The following HDAC9 variants were observed in gnomAD, a reference collection of about 807,000 sequenced individuals.
HDAC9 encodes histone deacetylase 9.
A neutral mutation model predicts 139.4 loss-of-function variants in HDAC9; 41 were observed. The observed-to-expected ratio is 0.29, with a 90% CI of 0.23 to 0.38. The LOEUF is 0.38. Ranked by LOEUF, HDAC9 falls within the 10% of genes least tolerant of loss-of-function variation. The pLI, the probability that HDAC9 is intolerant of heterozygous loss-of-function variation, is 1.00. For missense variants in HDAC9, 1,147 were observed against 1,297.0 expected, an observed-to-expected ratio of 0.88 and a Z score of 1.78; for synonymous variants, 517 against 476.2, an observed-to-expected ratio of 1.09 and a Z score of -1.12.
At chr7:18,951,962 C>G (rs966369764) in intron 23 of HDAC9, among the ~76,000 whole-genome samples, 1 of 151,606 alleles carries the variant, frequency 6.6e-6, no homozygotes, top group African/African-American at 2.4e-5. Context: ...TTCTTGCCAA[C>G]GGAGAGAATA....
At chr7:18,607,615 G>A (rs1835888336) in intron 6 of HDAC9, among the ~76,000 whole-genome samples, 1 of 152,160 alleles carries the variant, frequency 6.6e-6, no homozygotes, top group Admixed American at 6.5e-5. Flanking sequence ...TGTAATTATT[G>A]AAGAACTAGA....
chr7:18,530,013 G>A (rs894183084), intron 2 of HDAC9, among the ~76,000 whole-genome samples: 13 of 152,000 alleles, frequency 8.6e-5, no homozygotes, highest in African/African-American at 1.7e-4. Flanking sequence ...GTTCACTTCC[G>A]TAATCCCAGC....
intron 2 of HDAC9, among the ~76,000 whole-genome samples, chr7:18,278,242 A>T (rs1796874409): frequency 1.3e-5 from 2 of 152,208 alleles, no homozygotes; most frequent in South Asian, 4.1e-4. Context: ...ATGGGTACTC[A>T]GTGACTTTAG....
chr7:18,765,188 A>T lies in HDAC9; in HGVS notation c.2165-1918A>T, dbSNP rs76523436. Among the ~76,000 whole-genome samples the T allele has an allele frequency of 2.7e-3, 413 of 152,314 alleles. 2 individuals are homozygous for T. Among genetic ancestry groups the T allele is most frequent in the African/African-American group, 9.6e-3 (398 of 41,574 alleles). ...TGCCCATTTCTAAATTTAAAGTATC[A>T]ATTATATGCCTGTTTTGTATTATGT... On this transcript the variant is annotated intron_variant, in intron 15 of 25. Coordinates refer to ENST00000686413, the MANE Select transcript of HDAC9 (RefSeq NM_178425.4).
intron 1 of HDAC9, among the ~76,000 whole-genome samples, chr7:18,459,069 C>T (rs565443844): frequency 1.3e-5 from 2 of 152,086 alleles, no homozygotes; most frequent in South Asian, 2.1e-4. Flanking sequence ...GGTTGCTGTT[C>T]GGAGTTGGCA....
chr7:18,525,398 AT>A (rs1420198992), intron 2 of HDAC9, among the ~76,000 whole-genome samples: 1 of 152,098 alleles, frequency 6.6e-6, no homozygotes, highest in East Asian at 1.9e-4. Context: ...TTTCTTAATC[AT>A]TTTGGTGATC....
At chr7:18,173,484 A>G (rs1788620168) in intron 2 of HDAC9, among the ~76,000 whole-genome samples, 1 of 152,142 alleles carries the variant, frequency 6.6e-6, no homozygotes, top group African/African-American at 2.4e-5. Flanking sequence ...TGTGTATTTG[A>G]TCCTGTCATT....
At chr7:18,192,591 A>T (rs1790431528) in intron 2 of HDAC9, among the ~76,000 whole-genome samples, 1 of 152,114 alleles carries the variant, frequency 6.6e-6, no homozygotes, top group South Asian at 2.1e-4. Flanking sequence ...GCTTTTGGAA[A>T]TGTCATTAAG....
chr7:18,856,522 T>C lies in HDAC9; in HGVS notation c.2685-17956T>C, dbSNP rs543015812. ...ATAAACTATGTAGGTAGAACCTCTA[T>C]TTTTCTTACACTGAACTTGGAGTGG... On this transcript the variant is annotated intron_variant, in intron 21 of 25. Transcript: ENST00000686413. 2.6e-5 allele frequency among the ~76,000 whole-genome samples: 4 copies of C among 152,244 alleles called. 1 individual carries two copies. The highest frequency in any genetic ancestry group is 2.6e-4 in the Admixed American group (4 of 15,276).
intron 2 of HDAC9, among the ~76,000 whole-genome samples, chr7:18,548,465 A>C (rs1815958585): frequency 6.6e-6 from 1 of 152,238 alleles, no homozygotes; most frequent in South Asian, 2.1e-4. Flanking sequence ...TAAGAGGAAA[A>C]ATATCTACAA....
Position 18,755,036 on chromosome 7 carries a change from CA to C in HDAC9, c.2043+5907del, listed in dbSNP as rs982600431. ...ACAGTGTACTGTTTTGCTTAGTTTGCAAAAAAAAATTTTATGTGTTTGTGCC... is the reference window on the plus strand; with the variant it reads ...ACAGTGTACTGTTTTGCTTAGTTTGCAAAAAAAATTTTATGTGTTTGTGCC... On this transcript the variant is annotated intron_variant, in intron 14 of 25. Transcript: ENST00000686413. 2.2e-4 allele frequency among the ~76,000 whole-genome samples: 33 copies of C among 151,134 alleles called. No individual in the cohort carries two copies. In the East Asian group the frequency reaches 5.4e-3, roughly 25 times the overall value.
At chr7:18,264,458 A>G (rs752075188) in intron 2 of HDAC9, among the ~76,000 whole-genome samples, 8 of 152,228 alleles carry the variant, frequency 5.3e-5, no homozygotes, top group African/African-American at 7.2e-5. Flanking sequence ...ACATACATGT[A>G]TATCCATATT....
intron 2 of HDAC9, among the ~76,000 whole-genome samples, chr7:18,175,754 T>G (rs975557026): frequency 6.8e-6 from 1 of 147,430 alleles, no homozygotes; most frequent in African/African-American, 2.5e-5. Flanking sequence ...AGGTAATCTG[T>G]AAAATTATTT....
chr7:18,316,663 G>T (rs1193157729), intron 1 of HDAC9, among the ~76,000 whole-genome samples: 2 of 150,702 alleles, frequency 1.3e-5, no homozygotes, highest in African/African-American at 4.9e-5. Context: ...TTGGCTGGGT[G>T]TCATGGCGCA....
Position 18,989,421 on chromosome 7 carries a change from C to T in HDAC9, c.3171-6602C>T, listed in dbSNP as rs1394529244. ...GCTTGTAGAGTTTCTGCCAAGAGAT[C>T]CGCTCTTAGTCTGATGGGCTTCCCT... On this transcript the variant is annotated intron_variant, in intron 25 of 25. Coordinates refer to ENST00000686413, the MANE Select transcript of HDAC9 (RefSeq NM_178425.4). 9.2e-5 allele frequency among the ~76,000 whole-genome samples: 14 copies of T among 152,146 alleles called. No homozygotes were observed. In the East Asian group the frequency reaches 1.2e-3, roughly 13 times the overall value.
intron 2 of HDAC9, among the ~76,000 whole-genome samples, chr7:18,176,344 T>C (rs1175611883): frequency 6.6e-6 from 1 of 152,208 alleles, no homozygotes; most frequent in Admixed American, 6.5e-5. Context: ...ACCTCTGTTT[T>C]TGAAATCTCT....
intron 1 of HDAC9, among the ~76,000 whole-genome samples, chr7:18,105,954 C>G (rs917899247): frequency 6.6e-6 from 1 of 152,004 alleles, no homozygotes; most frequent in Non-Finnish European, 1.5e-5. Context: ...AAACATTATG[C>G]TAAGTGAAAG....
chr7:18,495,203 TAGCCTG>T (rs1796701077), upstream of HDAC9, among the ~76,000 whole-genome samples: 1 of 152,060 alleles, frequency 6.6e-6, no homozygotes, highest in African/African-American at 2.4e-5. Flanking sequence ...AACTGCAGTG[TAGCCTG>T]AGAAACAGGC....
chr7:18,561,680 T>C (rs759092539), intron 2 of HDAC9, among the ~76,000 whole-genome samples: 3 of 152,146 alleles, frequency 2.0e-5, no homozygotes, highest in Non-Finnish European at 2.9e-5. Context: ...ACATTTGATA[T>C]AAATGAAACG....
Sources: gnomAD v4.1 joint callset for allele counts (sites outside exome capture counted in the v4.1 genomes callset) on GRCh38, gnomAD v4.1.1 for gene constraint, MANE v1.5 for transcripts, NCBI Gene and HGNC (gene_info 2026-07-23, HGNC 2026-07-21) for gene names.